The following UTP20 variants were observed in gnomAD, a reference collection of about 807,000 sequenced individuals.
UTP20 encodes UTP20 small subunit processome component, also known as small subunit processome component 20 homolog.
A neutral mutation model predicts 329.5 loss-of-function variants in UTP20; 164 were observed. The observed-to-expected ratio is 0.50, with a 90% CI of 0.44 to 0.57. UTP20 has a LOEUF of 0.57. Among genes scored for constraint, UTP20 ranks in the 20% least tolerant of loss-of-function variants. UTP20 has a pLI of 0.00. For synonymous variants in UTP20, 1,151 were observed against 1,159.3 expected (o/e 0.99, Z 0.14); for missense variants, 3,055 against 3,284.2 (o/e 0.93, Z 1.71).
In UTP20 at chr12:101,319,917, T is replaced by C. The variant is rs150756630; in HGVS notation, c.2829+282T>C. ...AAAGCATGAATTATATCATGGAAAT[T>C]AGCTTTTAGAAGGGAGTAGGGTTTA... On this transcript the variant is annotated intron_variant, in intron 23 of 61. Coordinates refer to ENST00000261637, the MANE Select transcript of UTP20 (RefSeq NM_014503.3). Among the ~76,000 whole-genome samples the C allele has an allele frequency of 1.0e-3, 153 of 152,300 alleles. No individual in the cohort carries two copies. In the East Asian group the frequency reaches 0.012, roughly 12 times the overall value.
At chr12:101,373,370 C>T (rs1435364759) in intron 52 of UTP20, 31 bp from the exon 53 acceptor site, 2 of 1,581,268 alleles carry the variant, frequency 1.3e-6, no homozygotes, top group Admixed American at 1.7e-5. Context: ...TTAGAAGATA[C>T]TAACAAATCC....
At position 101,383,208 on chromosome 12, in the gene UTP20, G is replaced by T; in HGVS notation, c.7824G>T (p.Glu2608Asp). ...AGTCTGACGGAGAAGAGAAGGAAGA[G>T]GTGAAGGAAGAGCTCGGCAGGCCGG... is the stretch of plus-strand genomic sequence containing the variant. ...KAESDGEEKE[E>D]VKEELGRPAT... The change falls in exon 59 of 62, where the codon GAG becomes GAT. Residue 2608 changes from glutamate (E) to aspartate (D), a missense_variant. Glu to Asp is a conservative substitution (Grantham distance 45). Around this residue, in one of 3 missense-constraint regions of UTP20, gnomAD observed 337 missense variants for 345.5 expected, o/e 0.98. Coordinates refer to ENST00000261637, the MANE Select transcript of UTP20 (RefSeq NM_014503.3). The T allele has an allele frequency of 1.2e-6, 2 of 1,614,156 alleles. No individual in the cohort carries two copies. The highest frequency in any genetic ancestry group is 2.7e-5 in the African/African-American group (2 of 75,036).
chr12:101,295,034 C>T (rs2137238022), intron 11 of UTP20, among the ~76,000 whole-genome samples: 1 of 152,246 alleles, frequency 6.6e-6, no homozygotes, highest in African/African-American at 2.4e-5. Context: ...GGAGCAAGTC[C>T]AGTCTAAATG....
At chr12:101,366,181 G>A (rs979608515) in intron 46 of UTP20, among the ~76,000 whole-genome samples, 6 of 152,182 alleles carry the variant, frequency 3.9e-5, no homozygotes, top group South Asian at 2.1e-4. Context: ...GGAGTGAGCC[G>A]AGATCGCGCC....
intron 60 of UTP20, among the ~76,000 whole-genome samples, chr12:101,384,773 T>C (rs1351587120): frequency 6.6e-6 from 1 of 152,100 alleles, no homozygotes; most frequent in Non-Finnish European, 1.5e-5. Flanking sequence ...GCAAGAGCTT[T>C]TACAGTCCTA....
At chr12:101,356,494 T>TGTCTTTCAAATACAAA in intron 41 of UTP20, 60 bp from the exon 42 acceptor site, 1 of 1,393,484 alleles carries the variant, frequency 7.2e-7, no homozygotes, top group Non-Finnish European at 9.7e-7. Flanking sequence ...AAAGTTGCAG[T>TGTCTTTCAAATACAAA]GTTGGTAGAT....
chr12:101,363,016 C>T (rs1376239087), intron 44 of UTP20, among the ~76,000 whole-genome samples: 1 of 131,264 alleles, frequency 7.6e-6, no homozygotes, highest in Non-Finnish European at 1.5e-5. Context: ...GCCTGTGATC[C>T]CAGCTACTTA....
At chr12:101,358,916 CA>C (rs1869816729) in intron 43 of UTP20, among the ~76,000 whole-genome samples, 1 of 152,148 alleles carries the variant, frequency 6.6e-6, no homozygotes, top group African/African-American at 2.4e-5. Context: ...CTGTTTTTCT[CA>C]GGCTGCTTTA....
intron 48 of UTP20, among the ~76,000 whole-genome samples, chr12:101,369,282 AACCTATCC>A (rs1383445152): frequency 6.6e-6 from 1 of 152,232 alleles, no homozygotes; most frequent in African/African-American, 2.4e-5. Flanking sequence ...AAAATTGACC[AACCTATCC>A]AAATCATATA....
rs1312340919 is a variant in UTP20, at chr12:101,385,564, A to G, written c.8057-19A>G. 1.2e-6 allele frequency: 2 copies of G among 1,602,038 alleles called. No homozygotes were observed. Among genetic ancestry groups the G allele is most frequent in the Non-Finnish European group, 1.7e-6 (2 of 1,177,204 alleles). On this transcript the variant is annotated intron_variant, in intron 60 of 61. Coordinates refer to ENST00000261637, the MANE Select transcript of UTP20 (RefSeq NM_014503.3). The stretch of plus-strand genomic sequence containing the variant: ...CCTTTCCTACCTGTCTCTGATCATT[A>G]CTCTTTGTGTGTGATTAGATCCTTT...
Position 101,344,840 on chromosome 12 carries a change from C to CT in UTP20, c.4605+90_4605+91insT. 2.7e-6 allele frequency: 3 copies of CT among 1,096,980 alleles called. No individual in the cohort carries two copies. In the Admixed American group the frequency reaches 6.4e-5, roughly 23 times the overall value. 68.0% of individuals were successfully genotyped at this position (1,096,980 alleles called of 1,614,324 possible). On this transcript the variant is annotated intron_variant, in intron 36 of 61. Transcript: ENST00000261637. ...TGCTACTGTTGTATAGAAAAGTAGTCAGGCTTAGTGCATTTAATGAGAATA... is the reference window on the plus strand; with the variant it reads ...TGCTACTGTTGTATAGAAAAGTAGTCTAGGCTTAGTGCATTTAATGAGAATA...
Position 101,377,149 on chromosome 12 carries a change from C to T in UTP20, c.7396+1393C>T, listed in dbSNP as rs934834244. 2.0e-5 allele frequency among the ~76,000 whole-genome samples: 3 copies of T among 152,170 alleles called. No homozygotes were observed. The South Asian group carries it at 6.2e-4, about 32-fold the overall frequency. On this transcript the variant is annotated intron_variant, in intron 56 of 61. Transcript: ENST00000261637. ...TTCACCTGGTTTAAGAGCCAGAACT[C>T]AGATTTGTGAGAAATAACAAGGTTA...
chr12:101,296,520 G>A (rs1488289189), intron 12 of UTP20, among the ~76,000 whole-genome samples: 2 of 151,246 alleles, frequency 1.3e-5, no homozygotes, highest in South Asian at 2.1e-4. Flanking sequence ...GCAGTGAGCC[G>A]AGATCACGCC....
At chr12:101,327,997 T>C (rs1041488487) in intron 26 of UTP20, among the ~76,000 whole-genome samples, 2 of 152,234 alleles carry the variant, frequency 1.3e-5, no homozygotes, top group Non-Finnish European at 2.9e-5. Flanking sequence ...GTAACTCAGA[T>C]GAAAAGTGGT....
At chr12:101,294,246 A>G (rs1373876524) in intron 11 of UTP20, among the ~76,000 whole-genome samples, 2 of 152,114 alleles carry the variant, frequency 1.3e-5, no homozygotes, top group South Asian at 2.1e-4. Flanking sequence ...CATGTTAGCC[A>G]GGATGGTCTT....
chr12:101,357,381 G>A (rs1433083474), intron 43 of UTP20, among the ~76,000 whole-genome samples: 1 of 152,058 alleles, frequency 6.6e-6, no homozygotes, highest in African/African-American at 2.4e-5. Flanking sequence ...TTTGGGATGT[G>A]TATTGACTAT....
At chr12:101,351,971 C>G in intron 38 of UTP20, 84 bp from the exon 39 acceptor site, 2 of 1,514,844 alleles carry the variant, frequency 1.3e-6, no homozygotes, top group Non-Finnish European at 9.0e-7. Flanking sequence ...TGAGAACTTA[C>G]TAACTTTTTC....
At chr12:101,288,899 T>C in intron 5 of UTP20, 61 bp from the exon 6 acceptor site, 4 of 1,410,308 alleles carry the variant, frequency 2.8e-6, no homozygotes, top group Non-Finnish European at 3.9e-6. Context: ...TGTTGACATG[T>C]AGTATGTATT....
In UTP20 at chr12:101,346,379, T is replaced by C. The variant is rs1000581290; in HGVS notation, c.4747-72T>C. 6.0e-6 allele frequency: 9 copies of C among 1,488,976 alleles called. No homozygotes were observed. In the East Asian group the frequency reaches 1.7e-4, roughly 28 times the overall value. The allele number at this position is 1,488,976 out of a possible 1,614,324, so 92.2% of individuals were successfully genotyped here. On this transcript the variant is annotated intron_variant, in intron 37 of 61. Coordinates refer to ENST00000261637, the MANE Select transcript of UTP20 (RefSeq NM_014503.3). ...CTTTAATCTTTTTATGAAAAGAGAA[T>C]ACGATACTAAAATGGAGCTGGTTGT...
Sources: allele counts gnomAD v4.1 joint callset (sites outside exome capture counted in the v4.1 genomes callset), GRCh38; gene constraint gnomAD v4.1.1; regional missense constraint gnomAD v4.1.1; transcripts MANE v1.5; gene names NCBI Gene and HGNC (gene_info 2026-07-23, HGNC 2026-07-21).